The following ABCG8 variants were observed in gnomAD, a reference collection of about 807,000 sequenced individuals.
The protein encoded by ABCG8 is ATP-binding cassette sub-family G member 8.
ABCG8 carries 81 observed loss-of-function variants against 71.3 expected under a neutral mutation model. That is an observed-to-expected ratio of 1.14 (90% CI 0.95 to 1.37). ABCG8 has a LOEUF of 1.37. ABCG8 is among the 40% of genes most tolerant of loss of function. ABCG8 has a pLI of 0.00. For synonymous variants in ABCG8, 451 were observed against 354.7 expected (o/e 1.27, Z -3.05); for missense variants, 1,119 against 866.2 (o/e 1.29, Z -3.66).
rs1361034125 is a variant in ABCG8 at position 43,852,579 on chromosome 2, C to A, written c.695-20C>A. ...GCCAGAGCCCCACCGACTCACCAGGCTCCTCTCTGTGTTGGAAAGGAATCC... is the reference window on the plus strand; with the variant it reads ...GCCAGAGCCCCACCGACTCACCAGGATCCTCTCTGTGTTGGAAAGGAATCC... On this transcript the variant is annotated intron_variant, in intron 5 of 12. Transcript: ENST00000272286. The A allele has an allele frequency of 1.9e-6, 3 of 1,613,872 alleles. No homozygotes were observed. The highest frequency in any genetic ancestry group is 1.1e-5 in the South Asian group (1 of 91,090).
At position 43,852,830 on chromosome 2, in the gene ABCG8, A is replaced by G. The variant is rs892595992; in HGVS notation, c.926A>G (p.Tyr309Cys). The part of the protein sequence containing the change: ...HMVQYFTAIG[Y>C]PCPRYSNPAD... ...GTCCAGTATTTCACAGCCATCGGCT[A>G]CCCCTGTCCTCGCTACAGCAATCCT... Residue 309 changes from tyrosine to cysteine, a missense_variant, in exon 6 of 13, where the codon TAC becomes TGC. Transcript: ENST00000272286. 1 of 1,613,948 alleles carries G rather than the reference A, an allele frequency of 6.2e-7. No homozygotes were observed. Among genetic ancestry groups the G allele is most frequent in the Non-Finnish European group, 8.5e-7 (1 of 1,180,022 alleles).
At position 43,852,809 on chromosome 2, in the gene ABCG8, A is replaced by G. The variant is rs1218900825; in HGVS notation, c.905A>G (p.Gln302Arg). Reference protein sequence around the residue: ...IYLGAAQHMVQYFTAIGYPCP... With the variant: ...IYLGAAQHMVRYFTAIGYPCP... ...TTAGGGGCGGCCCAGCACATGGTCCAGTATTTCACAGCCATCGGCTACCCC... is the reference window on the plus strand; with the variant it reads ...TTAGGGGCGGCCCAGCACATGGTCCGGTATTTCACAGCCATCGGCTACCCC... The change falls in exon 6 of 13, where the codon CAG (glutamine) becomes CGG (arginine). Residue 302 changes from glutamine (Q) to arginine (R), a missense_variant. Coordinates refer to ENST00000272286, the MANE Select transcript of ABCG8 (RefSeq NM_022437.3). 1.2e-6 allele frequency: 2 copies of G among 1,614,160 alleles called. No individual in the cohort carries two copies. Among genetic ancestry groups the G allele is most frequent in the East Asian group, 2.2e-5 (1 of 44,854 alleles).
chr2:43,863,305 A>T (rs775486069), intron 6 of ABCG8, among the ~76,000 whole-genome samples: 6 of 151,524 alleles, frequency 4.0e-5, no homozygotes, highest in South Asian at 2.1e-4. Context: ...ATCTGGATAG[A>T]ACTCTCACTA....
chr2:43,875,542 G>C, intron 11 of ABCG8, 129 bp downstream of exon 11: 1 of 1,244,448 alleles, frequency 8.0e-7, no homozygotes, highest in Non-Finnish European at 1.1e-6. Context: ...TGGAAGCAGA[G>C]GCCTTTGCCC....
At chr2:43,864,832 C>T (rs1036634107) in intron 6 of ABCG8, among the ~76,000 whole-genome samples, 7 of 151,460 alleles carry the variant, frequency 4.6e-5, no homozygotes, top group African/African-American at 1.7e-4. Context: ...AGATAGAATA[C>T]TCACTATCTG....
Position 43,877,597 on chromosome 2 carries a change from GGT to G in ABCG8, c.1796_1797del (p.Cys599PhefsTer2). 6.2e-7 allele frequency: 1 copy of G among 1,614,110 alleles called. No homozygotes were observed. The highest frequency in any genetic ancestry group is 8.5e-7 in the Non-Finnish European group (1 of 1,180,008). On this transcript the variant is annotated frameshift_variant, in exon 12 of 13. Coordinates refer to ENST00000272286, the MANE Select transcript of ABCG8 (RefSeq NM_022437.3). LOFTEE classifies it high-confidence loss of function. ...ATTTCCAAAGTGTCCTTCCTGCGGT[GGT>G]GTTTTGAAGGGCTGATGAAGATTCA... is the stretch of plus-strand genomic sequence containing the variant.
chr2:43,846,984 GCGCGTGCACA>G (rs1004684384), intron 3 of ABCG8: 6 of 94,900 alleles, frequency 6.3e-5, no homozygotes, highest in East Asian at 2.7e-4. Flanking sequence ...TCCTGCACGC[GCGCGTGCACA>G]CACACACACA....
chr2:43,852,838 C>G lies in ABCG8; in HGVS notation c.934C>G (p.Pro312Ala). 1 of 1,614,146 alleles carries G rather than the reference C, an allele frequency of 6.2e-7. No homozygotes were observed. The highest frequency in any genetic ancestry group is 8.5e-7 in the Non-Finnish European group (1 of 1,180,034). The change falls in exon 6 of 13, where the codon CCT becomes GCT. Residue 312 changes from proline to alanine, a missense_variant. By Grantham distance (27) the Pro-to-Ala change is conservative. Transcript: ENST00000272286. ...TTTCACAGCCATCGGCTACCCCTGT[C>G]CTCGCTACAGCAATCCTGCTGACTT... ...QYFTAIGYPC[P>A]RYSNPADFYV...
In ABCG8 at chr2:43,846,150, C is replaced by A. The variant is rs780801158; in HGVS notation, c.166-5C>A. The A allele has an allele frequency of 6.2e-7, 1 of 1,612,948 alleles. No homozygotes were observed. Among genetic ancestry groups the A allele is most frequent in the South Asian group, 1.1e-5 (1 of 90,998 alleles). On this transcript the variant is annotated splice_region_variant and splice_polypyrimidine_tract_variant and intron_variant, in intron 2 of 12. Coordinates refer to ENST00000272286, the MANE Select transcript of ABCG8 (RefSeq NM_022437.3). The stretch of plus-strand genomic sequence containing the variant: ...TCTAAGGAACCTTCTGATATCTCCC[C>A]ACAGGTGGACCTGGCCTCTCAGGTC...
Position 43,872,056 on chromosome 2 carries a change from T to A in ABCG8, c.1045T>A (p.Phe349Ile). The A allele has an allele frequency of 1.2e-6, 2 of 1,614,074 alleles. No homozygotes were observed. Among genetic ancestry groups the A allele is most frequent in the Non-Finnish European group, 1.7e-6 (2 of 1,180,032 alleles). Residue 349 changes from phenylalanine (F) to isoleucine (I), a missense_variant, in exon 7 of 13, where the codon TTT (phenylalanine) becomes ATT (isoleucine). Transcript: ENST00000272286. ...REKAQSLAAL[F>I]LEKVRDLDDF... Reference sequence around the variant, plus strand: ...GAAGGCTCAGTCACTCGCAGCCCTGTTTCTAGAAAAAGTGCGTGACTTAGA... The same window carrying A: ...GAAGGCTCAGTCACTCGCAGCCCTGATTCTAGAAAAAGTGCGTGACTTAGA...
Position 43,874,459 on chromosome 2 carries a change from C to A in ABCG8, c.1464C>A (p.Thr488=). Residue 488 remains threonine, a synonymous_variant, in exon 10 of 13, where the codon ACC becomes ACA. Transcript: ENST00000272286. ...LYYELEDGLY[T]TGPYFFAKIL... The stretch of plus-strand genomic sequence containing the variant: ...ATGAACTGGAAGACGGGCTGTACAC[C>A]ACTGGTCCATATTTCTTTGCCAAGG... 1 of 1,613,836 alleles carries A rather than the reference C, an allele frequency of 6.2e-7. No individual in the cohort carries two copies. Among genetic ancestry groups the A allele is most frequent in the Non-Finnish European group, 8.5e-7 (1 of 1,179,860 alleles).
At chr2:43,874,190 A>G (rs907241218) in intron 9 of ABCG8, among the ~76,000 whole-genome samples, 8 of 152,172 alleles carry the variant, frequency 5.3e-5, no homozygotes, top group African/African-American at 1.9e-4. Flanking sequence ...CAGGATTTAT[A>G]TTTGACAGCA....
chr2:43,844,026 T>G (rs1463830725), intron 1 of ABCG8, among the ~76,000 whole-genome samples: 1 of 152,198 alleles, frequency 6.6e-6, no homozygotes, highest in Non-Finnish European at 1.5e-5. Context: ...ATATTGGGCA[T>G]TAACTCTCAA....
chr2:43,839,551 C>G lies in ABCG8; in HGVS notation c.63+435C>G, dbSNP rs546138892. ...AAGTGATTCTCCTGCCTCAGCCTCC[C>G]AAGTAGCTGAGATTACAGGCACCTG... is the stretch of plus-strand genomic sequence containing the variant. On this transcript the variant is annotated intron_variant, in intron 1 of 12. Transcript: ENST00000272286. Among the ~76,000 whole-genome samples, 14 of 151,190 alleles carry G rather than the reference C, an allele frequency of 9.3e-5. 1 individual carries two copies. The South Asian group carries it at 2.5e-3, about 27-fold the overall frequency.
intron 6 of ABCG8, among the ~76,000 whole-genome samples, chr2:43,857,390 A>G (rs1416653948): frequency 1.3e-5 from 2 of 151,450 alleles, no homozygotes; most frequent in African/African-American, 2.4e-5. Context: ...TAGAACTCTC[A>G]CTATCTATCT....
chr2:43,843,084 T>C (rs1192168437), intron 1 of ABCG8, among the ~76,000 whole-genome samples: 2 of 152,234 alleles, frequency 1.3e-5, no homozygotes, highest in Admixed American at 1.3e-4. Context: ...GTGCATTGTG[T>C]ACATAGTGAA....
intron 6 of ABCG8, among the ~76,000 whole-genome samples, chr2:43,871,474 G>A (rs1326434041): frequency 2.0e-5 from 3 of 152,110 alleles, no homozygotes; most frequent in Non-Finnish European, 4.4e-5. Flanking sequence ...CTCGCTATCT[G>A]GATAGAATTC....
At chr2:43,858,463 A>G (rs1669189108) in intron 6 of ABCG8, among the ~76,000 whole-genome samples, 1 of 151,342 alleles carries the variant, frequency 6.6e-6, no homozygotes, top group Non-Finnish European at 1.5e-5. Context: ...TCTGGACAGA[A>G]CTCTCACAAT....
chr2:43,873,894 G>A lies in ABCG8; in HGVS notation c.1319G>A (p.Ser440Asn), dbSNP rs780611770. Residue 440 changes from serine (S) to asparagine (N), a missense_variant, in exon 9 of 13, where the codon AGC (serine) becomes AAC (asparagine). Ser to Asn is a conservative substitution (Grantham distance 46). Coordinates refer to ENST00000272286, the MANE Select transcript of ABCG8 (RefSeq NM_022437.3). ...GGCTTCCTCTATTTTGGCCATGGGA[G>A]CATCCAGCTCTCCTTCATGGATACA... Reference protein sequence around the residue: ...TIGFLYFGHGSIQLSFMDTAA... With the variant: ...TIGFLYFGHGNIQLSFMDTAA... The A allele has an allele frequency of 3.1e-6, 5 of 1,614,092 alleles. No homozygotes were observed. The South Asian group carries it at 5.5e-5, about 18-fold the overall frequency.
Sources: gnomAD v4.1 joint callset for allele counts (sites outside exome capture counted in the v4.1 genomes callset) on GRCh38, gnomAD v4.1.1 for gene constraint, MANE v1.5 for transcripts, NCBI Gene and HGNC (gene_info 2026-07-23, HGNC 2026-07-21) for gene names.